MAP2K1: variants seen among roughly 807,000 people sequenced by gnomAD.
The protein encoded by MAP2K1 is mitogen-activated protein kinase kinase 1.
A neutral mutation model predicts 46.3 loss-of-function variants in MAP2K1; 16 were observed. The ratio of observed to expected loss-of-function variants is 0.35; its 90% CI spans 0.23 to 0.52. The LOEUF (loss-of-function observed/expected upper bound fraction) is 0.52. Ranked by LOEUF, MAP2K1 falls within the 20% of genes least tolerant of loss-of-function variation. The pLI is 0.94. For synonymous variants in MAP2K1, 183 were observed against 185.6 expected (o/e 0.99, Z 0.11); for missense variants, 263 against 497.1 (o/e 0.53, Z 4.48).
At chr15:66,489,309 A>T in intron 9 of MAP2K1, 33 bp downstream of exon 9, 1 of 1,594,802 alleles carries the variant, frequency 6.3e-7, no homozygotes. Flanking sequence ...GGAAGCGTAT[A>T]CTCTGGATTT....
intron 3 of MAP2K1, among the ~76,000 whole-genome samples, chr15:66,441,100 G>A (rs1390205571): frequency 6.6e-6 from 1 of 152,082 alleles, no homozygotes; most frequent in Non-Finnish European, 1.5e-5. Context: ...GTAGCAGGAG[G>A]ACAACAGATG....
chr15:66,486,334 G>C (rs1893037702), intron 7 of MAP2K1, among the ~76,000 whole-genome samples: 2 of 152,142 alleles, frequency 1.3e-5, no homozygotes, highest in Admixed American at 6.5e-5. Context: ...CATCACCACT[G>C]TCTTATTCTG....
intron 1 of MAP2K1, among the ~76,000 whole-genome samples, chr15:66,398,299 C>T (rs1595838420): frequency 6.6e-6 from 1 of 152,046 alleles, no homozygotes; most frequent in East Asian, 1.9e-4. Context: ...GCGTGTAGTC[C>T]CTGCTATTTG....
chr15:66,416,733 C>G (rs1178863934), intron 1 of MAP2K1, among the ~76,000 whole-genome samples: 1 of 152,124 alleles, frequency 6.6e-6, no homozygotes, highest in African/African-American at 2.4e-5. Flanking sequence ...AAAGTATACA[C>G]AAAGCTATTT....
chr15:66,456,787 T>C (rs1892176656), intron 5 of MAP2K1, among the ~76,000 whole-genome samples: 4 of 152,210 alleles, frequency 2.6e-5, no homozygotes, highest in African/African-American at 9.7e-5. Flanking sequence ...AGATGGCGCC[T>C]CTTGATGAAC....
chr15:66,490,285 C>T (rs1264349735), intron 10 of MAP2K1: 1 of 680,768 alleles, frequency 1.5e-6, no homozygotes, highest in Non-Finnish European at 2.7e-6. Flanking sequence ...GAGTAGGCTC[C>T]AAGAGGTGAC....
At chr15:66,432,571 G>C (rs531040771) in intron 1 of MAP2K1, among the ~76,000 whole-genome samples, 1 of 152,282 alleles carries the variant, frequency 6.6e-6, no homozygotes, top group South Asian at 2.1e-4. Flanking sequence ...GATTGTCTCT[G>C]GTGCAAAGGC....
chr15:66,425,050 C>T (rs2093454215), intron 1 of MAP2K1, among the ~76,000 whole-genome samples: 1 of 152,090 alleles, frequency 6.6e-6, no homozygotes, highest in Admixed American at 6.5e-5. Flanking sequence ...CCCGCCTCGG[C>T]CTCCTAAAGT....
At chr15:66,387,648 C>G (rs1044017508) in intron 1 of MAP2K1, among the ~76,000 whole-genome samples, 1 of 152,204 alleles carries the variant, frequency 6.6e-6, no homozygotes, top group Non-Finnish European at 1.5e-5. Flanking sequence ...TCTCTGTACC[C>G]CTTTTCCCGA....
At chr15:66,469,471 C>CCT (rs1892555517) in intron 5 of MAP2K1, among the ~76,000 whole-genome samples, 3 of 66,910 alleles carry the variant, frequency 4.5e-5, no homozygotes, top group Non-Finnish European at 8.4e-5. Flanking sequence ...TCTGGTGCCT[C>CCT]CTTTTTTTTT....
intron 1 of MAP2K1, among the ~76,000 whole-genome samples, chr15:66,394,977 G>A (rs917390035): frequency 5.9e-5 from 9 of 152,162 alleles, no homozygotes; most frequent in South Asian, 2.1e-4. Context: ...TTAGCCCATG[G>A]CAAGGAAATA....
At chr15:66,456,684 T>G (rs1892172833) in intron 5 of MAP2K1, among the ~76,000 whole-genome samples, 1 of 152,100 alleles carries the variant, frequency 6.6e-6, no homozygotes. Context: ...CTGCTTGGAG[T>G]GCTTGCCCAT....
At chr15:66,429,664 G>GCC (rs1228112911) in intron 1 of MAP2K1, among the ~76,000 whole-genome samples, 2 of 50,298 alleles carry the variant, frequency 4.0e-5, no homozygotes, top group African/African-American at 2.2e-4. Context: ...GCACTGCGGC[G>GCC]CCCCCCCCCC....
intron 1 of MAP2K1, among the ~76,000 whole-genome samples, chr15:66,400,010 T>A (rs1169318766): frequency 6.6e-6 from 1 of 152,186 alleles, no homozygotes; most frequent in Non-Finnish European, 1.5e-5. Flanking sequence ...ACTATATAAT[T>A]TTTATTCACT....
chr15:66,431,911 A>G (rs773331987), intron 1 of MAP2K1, among the ~76,000 whole-genome samples: 10 of 152,062 alleles, frequency 6.6e-5, no homozygotes, highest in African/African-American at 2.4e-4. Flanking sequence ...TGTTCTCACC[A>G]TTCAGTTCCC....
At chr15:66,458,516 A>T (rs906907038) in intron 5 of MAP2K1, among the ~76,000 whole-genome samples, 1 of 152,150 alleles carries the variant, frequency 6.6e-6, no homozygotes, top group Non-Finnish European at 1.5e-5. Context: ...GTATGTGTGT[A>T]TGTATAAATG....
chr15:66,425,252 A>G (rs1010025614), intron 1 of MAP2K1, among the ~76,000 whole-genome samples: 4 of 152,186 alleles, frequency 2.6e-5, no homozygotes, highest in Non-Finnish European at 5.9e-5. Context: ...TTCAGCAGTT[A>G]GTAGACTTTT....
At chr15:66,433,457 A>G (rs751003922) in intron 1 of MAP2K1, among the ~76,000 whole-genome samples, 1 of 152,100 alleles carries the variant, frequency 6.6e-6, no homozygotes, top group Non-Finnish European at 1.5e-5. Flanking sequence ...GTGTGCTTGC[A>G]TGGCCTTTCT....
intron 4 of MAP2K1, 117 bp from the exon 5 acceptor site, chr15:66,444,539 A>C: frequency 2.5e-6 from 2 of 812,698 alleles, no homozygotes; most frequent in Non-Finnish European, 4.3e-6. Flanking sequence ...GTCTCAAAGG[A>C]GGAAGGCAAA....
Sources: allele counts gnomAD v4.1 joint callset (sites outside exome capture counted in the v4.1 genomes callset), GRCh38; gene constraint gnomAD v4.1.1; transcripts MANE v1.5; gene names NCBI Gene and HGNC (gene_info 2026-07-23, HGNC 2026-07-21).